MROH9: variants seen among roughly 807,000 people sequenced by gnomAD.
The protein encoded by MROH9 is maestro heat-like repeat-containing protein family member 9.
MROH9 carries 92 observed loss-of-function variants against 98.2 expected under a neutral mutation model. That is an observed-to-expected ratio of 0.94 (90% CI 0.79 to 1.11). MROH9 has a LOEUF of 1.11. Among genes scored for constraint, MROH9 ranks in the 50% most tolerant of loss-of-function variants. The pLI is 0.00. For synonymous variants in MROH9, 397 were observed against 368.9 expected, an observed-to-expected ratio of 1.08 and a Z score of -0.87; for missense variants, 1,057 against 1,014.8, an observed-to-expected ratio of 1.04 and a Z score of -0.57.
Position 171,044,972 on chromosome 1 carries a change from CTTTTTTTTTTTTTTTTTTTTTTTTTTTTT to C in MROH9, c.2282-17141_2282-17113del, listed in dbSNP as rs754332732. On this transcript the variant is annotated intron_variant, in intron 20 of 21. Coordinates refer to ENST00000367759, the MANE Select transcript of MROH9 (RefSeq NM_001163629.2). ...CAATTCCATTTATTTCTGCTCTGAT[CTTTTTTTTTTTTTTTTTTTTTTTTTTTTT>C]TTTTTTTTTTTTTTTTTTGAGATGG... Among the ~76,000 whole-genome samples, 105 of 45,710 alleles carry C rather than the reference CTTTTTTTTTTTTTTTTTTTTTTTTTTTTT, an allele frequency of 2.3e-3. 3 individuals carry two copies. The South Asian group carries it at 0.028, about 12-fold the overall frequency. The allele number at this position is 45,710 out of a possible 152,430, so 30.0% of individuals were successfully genotyped here.
chr1:171,052,127 T>A (rs1653688910), intron 20 of MROH9, among the ~76,000 whole-genome samples: 1 of 152,364 alleles, frequency 6.6e-6, no homozygotes, highest in Non-Finnish European at 1.5e-5. Context: ...GGAGATTGTA[T>A]GTTTCCAATA....
At chr1:170,970,727 TGTGTGAGAGAGAGAGAGA>T (rs973959660) in intron 7 of MROH9, among the ~76,000 whole-genome samples, 5 of 124,360 alleles carry the variant, frequency 4.0e-5, no homozygotes, top group African/African-American at 1.3e-4. Flanking sequence ...TGTGTGTGTG[TGTGTGAGAGAGAGAGAGA>T]GAGAGAGAGA....
intron 13 of MROH9, 58 bp downstream of exon 13, chr1:170,995,589 C>T: frequency 1.3e-6 from 2 of 1,580,740 alleles, no homozygotes; most frequent in Non-Finnish European, 1.7e-6. Context: ...GCTGTCAATA[C>T]TTCTACCCTC....
In MROH9 at chr1:170,975,452, T is replaced by G. The variant is rs1226354631; in HGVS notation, c.616+3569T>G. On this transcript the variant is annotated intron_variant, in intron 8 of 21. Coordinates refer to ENST00000367759, the MANE Select transcript of MROH9 (RefSeq NM_001163629.2). The stretch of plus-strand genomic sequence containing the variant: ...TTCTTTTTTGAATAGATTTAGGGGG[T>G]ACAAATGCTGATTTGTTGCATGGAT... Among the ~76,000 whole-genome samples, 3 of 152,156 alleles carry G rather than the reference T, an allele frequency of 2.0e-5. No individual in the cohort carries two copies. The East Asian group carries it at 5.8e-4, about 29-fold the overall frequency.
chr1:171,051,324 A>AC (rs1390144677), intron 20 of MROH9, among the ~76,000 whole-genome samples: 3 of 152,152 alleles, frequency 2.0e-5, no homozygotes, highest in Non-Finnish European at 4.4e-5. Context: ...AATAGCAAAG[A>AC]CATAGAATAA....
At chr1:170,954,081 G>A (rs950107149) in intron 3 of MROH9, among the ~76,000 whole-genome samples, 3 of 151,900 alleles carry the variant, frequency 2.0e-5, no homozygotes, top group Non-Finnish European at 4.4e-5. Context: ...TTTGTCACCT[G>A]GATTCTTTCT....
At chr1:170,979,515 A>C (rs1650846400) in intron 8 of MROH9, among the ~76,000 whole-genome samples, 1 of 152,210 alleles carries the variant, frequency 6.6e-6, no homozygotes, top group East Asian at 1.9e-4. Flanking sequence ...ATATATATTC[A>C]AATATTAATC....
At chr1:171,050,181 G>GAAGACTT (rs1442254842) in intron 20 of MROH9, among the ~76,000 whole-genome samples, 2 of 151,984 alleles carry the variant, frequency 1.3e-5, no homozygotes, top group Admixed American at 6.6e-5. Context: ...GTTTTCTTTT[G>GAAGACTT]AAGACTTACT....
At chr1:171,050,369 A>T (rs1271050115) in intron 20 of MROH9, among the ~76,000 whole-genome samples, 1 of 152,156 alleles carries the variant, frequency 6.6e-6, no homozygotes, top group African/African-American at 2.4e-5. Flanking sequence ...AGTGTTTTAT[A>T]GTTCTTCTTA....
intron 3 of MROH9, among the ~76,000 whole-genome samples, chr1:170,956,890 T>C (rs1649783738): frequency 6.6e-6 from 1 of 152,136 alleles, no homozygotes; most frequent in South Asian, 2.1e-4. Context: ...CAGTACTATG[T>C]TGAAGAGGAG....
At chr1:171,013,343 G>A (rs1431756541) in intron 15 of MROH9, among the ~76,000 whole-genome samples, 2 of 152,118 alleles carry the variant, frequency 1.3e-5, no homozygotes, top group South Asian at 2.1e-4. Flanking sequence ...GATCAGTGGC[G>A]GCATTAGATT....
Position 170,983,461 on chromosome 1 carries a change from G to C in MROH9, c.656G>C (p.Ser219Thr). The change falls in exon 9 of 22, where the codon AGC becomes ACC. Residue 219 changes from serine (S) to threonine (T), a missense_variant. Ser to Thr is a moderately conservative substitution (Grantham distance 58). Transcript: ENST00000367759. ...TNKPTNGKSH[S>T]LQFPSSDVEF... ...AAGCCTACAAACGGTAAAAGTCATAGCCTCCAGTTTCCTTCTTCTGATGTA... is the reference window on the plus strand; with the variant it reads ...AAGCCTACAAACGGTAAAAGTCATACCCTCCAGTTTCCTTCTTCTGATGTA... 6.2e-7 allele frequency: 1 copy of C among 1,613,242 alleles called. No individual in the cohort carries two copies. Among genetic ancestry groups the C allele is most frequent in the South Asian group, 1.1e-5 (1 of 91,038 alleles).
In MROH9 at chr1:171,051,166, G is replaced by A. The variant is rs563732015; in HGVS notation, c.2282-10966G>A. On this transcript the variant is annotated intron_variant, in intron 20 of 21. Transcript: ENST00000367759. ...GAATGTGAATTAGTTCAAACATTGT[G>A]TAAGACATTGTGATATTTCCTCAAA... Among the ~76,000 whole-genome samples the A allele has an allele frequency of 2.0e-5, 3 of 152,274 alleles. No individual in the cohort carries two copies. In the South Asian group the frequency reaches 6.2e-4, roughly 32 times the overall value.
chr1:171,047,368 G>A lies in MROH9; in HGVS notation c.2282-14764G>A, dbSNP rs146090213. 1.5e-3 allele frequency among the ~76,000 whole-genome samples: 220 copies of A among 149,792 alleles called. 1 individual carries two copies. The highest frequency in any genetic ancestry group is 5.2e-3 in the African/African-American group (211 of 40,706). On this transcript the variant is annotated intron_variant, in intron 20 of 21. Transcript: ENST00000367759. ...TGCTTCATTTTTTTTTATTCTTTTT[G>A]TCAGCTCTATTTTCAAATAGGCTGC...
intron 15 of MROH9, among the ~76,000 whole-genome samples, chr1:171,004,189 G>T (rs1274568385): frequency 3.3e-5 from 5 of 152,164 alleles, no homozygotes; most frequent in African/African-American, 4.8e-5. Flanking sequence ...AAAGAAAAAG[G>T]CTTTAGTTCT....
intron 20 of MROH9, among the ~76,000 whole-genome samples, chr1:171,032,056 T>C (rs1652932846): frequency 6.6e-6 from 1 of 152,172 alleles, no homozygotes; most frequent in Non-Finnish European, 1.5e-5. Context: ...TCCTTTCTTC[T>C]ACTTGGTCAG....
chr1:170,947,417 G>A (rs1649373745), intron 2 of MROH9, 110 bp from the exon 3 acceptor site: 2 of 821,640 alleles, frequency 2.4e-6, no homozygotes, highest in Non-Finnish European at 4.1e-6. Context: ...TGTCCTTGTT[G>A]GGCTTTGACA....
At chr1:171,032,380 T>C (rs1275009505) in intron 20 of MROH9, among the ~76,000 whole-genome samples, 1 of 152,206 alleles carries the variant, frequency 6.6e-6, no homozygotes, top group Admixed American at 6.5e-5. Context: ...GTTTTCAGCA[T>C]CTTTTCATTG....
intron 8 of MROH9, among the ~76,000 whole-genome samples, chr1:170,978,628 C>T (rs1650808906): frequency 1.3e-5 from 2 of 152,126 alleles, no homozygotes; most frequent in Admixed American, 1.3e-4. Flanking sequence ...ACTGCAATTG[C>T]AGTCGCGGAG....
Sources: allele counts gnomAD v4.1 joint callset (sites outside exome capture counted in the v4.1 genomes callset), GRCh38; gene constraint gnomAD v4.1.1; transcripts MANE v1.5; gene names NCBI Gene and HGNC (gene_info 2026-07-23, HGNC 2026-07-21).